Variants in ARHGEF9 observed in about 807,000 individuals in gnomAD.
ARHGEF9 encodes rho guanine nucleotide exchange factor 9.
ARHGEF9 carries 2 observed loss-of-function variants against 41.3 expected under a neutral mutation model. The observed-to-expected ratio is 0.05, with a 90% CI of 0.02 to 0.15. The LOEUF (loss-of-function observed/expected upper bound fraction) is 0.15. Ranked by LOEUF, ARHGEF9 falls within the 10% of genes least tolerant of loss-of-function variation. ARHGEF9 has a pLI of 1.00. For missense variants in ARHGEF9, 225 were observed against 424.7 expected (o/e 0.53, Z 4.13); for synonymous variants, 160 against 154.4 (o/e 1.04, Z -0.27).
At chrX:63,688,421 C>A (rs1220884521) in intron 4 of ARHGEF9, among the ~76,000 whole-genome samples, 2 of 111,759 alleles carry the variant, frequency 1.8e-5, no homozygotes, top group African/African-American at 6.5e-5. Context: ...CAAGAAAACA[C>A]CTGAAGTTAT....
At chrX:63,705,479 C>T (rs1379340382) in intron 3 of ARHGEF9, among the ~76,000 whole-genome samples, 1 of 108,979 alleles carries the variant, frequency 9.2e-6, no homozygotes, top group East Asian at 2.9e-4. Context: ...TTAAAAATGC[C>T]AACTTGCAGC....
At chrX:63,768,077 GC>G (rs782055747) in intron 1 of ARHGEF9, among the ~76,000 whole-genome samples, 107 of 111,970 alleles carry the variant, frequency 9.6e-4, no homozygotes, top group African/African-American at 3.5e-3. Flanking sequence ...TAGTGCACCA[GC>G]CACCCAAGTA....
chrX:63,651,910 A>C (rs1233893090), intron 8 of ARHGEF9, among the ~76,000 whole-genome samples: 1 of 110,944 alleles, frequency 9.0e-6, no homozygotes, highest in Non-Finnish European at 1.9e-5. Flanking sequence ...CATATGAAAA[A>C]AAAAAGGTTC....
At chrX:63,781,985 C>A (rs2056388910) in intron 1 of ARHGEF9, among the ~76,000 whole-genome samples, 1 of 111,921 alleles carries the variant, frequency 8.9e-6, no homozygotes, top group Non-Finnish European at 1.9e-5. Context: ...GCTCAAATGC[C>A]CCTTAACTAG....
chrX:63,654,918 AT>A (rs1483482313), intron 8 of ARHGEF9, among the ~76,000 whole-genome samples: 4 of 112,125 alleles, frequency 3.6e-5, no homozygotes, highest in Non-Finnish European at 7.5e-5. Context: ...TACTATCTAT[AT>A]CCCCACTGGA....
At chrX:63,771,831 T>G (rs1245496493) in intron 1 of ARHGEF9, among the ~76,000 whole-genome samples, 2 of 111,540 alleles carry the variant, frequency 1.8e-5, no homozygotes, top group Non-Finnish European at 3.8e-5. Flanking sequence ...CCTCCCCGAC[T>G]GCTGGGATTA....
chrX:63,756,499 G>A (rs1486149315), intron 1 of ARHGEF9, among the ~76,000 whole-genome samples: 1 of 112,349 alleles, frequency 8.9e-6, no homozygotes, highest in African/African-American at 3.2e-5. Context: ...CCATAAAAAG[G>A]AATGAACTAC....
At chrX:63,695,458 G>C (rs782819808) in intron 4 of ARHGEF9, among the ~76,000 whole-genome samples, 3 of 111,561 alleles carry the variant, frequency 2.7e-5, no homozygotes, top group Non-Finnish European at 5.6e-5. Context: ...CAACAGCCTT[G>C]TATGTGCTCC....
chrX:63,724,769 C>T, intron 1 of ARHGEF9, 58 bp from the exon 2 acceptor site: 1 of 1,100,398 alleles, frequency 9.1e-7, no homozygotes, highest in Non-Finnish European at 1.3e-6. Flanking sequence ...TTGCCCCTTC[C>T]CCCACCCACA....
At chrX:63,664,774 A>G (rs1460901014) in intron 7 of ARHGEF9, among the ~76,000 whole-genome samples, 2 of 112,237 alleles carry the variant, frequency 1.8e-5, no homozygotes, top group African/African-American at 6.5e-5. Flanking sequence ...ACACTGAGGC[A>G]GTCTGAACCT....
At chrX:63,719,190 A>G (rs782481206) in intron 2 of ARHGEF9, among the ~76,000 whole-genome samples, 5 of 112,006 alleles carry the variant, frequency 4.5e-5, no homozygotes, top group African/African-American at 9.7e-5. Context: ...CTCACAACCT[A>G]TAATGTGTTA....
At chrX:63,720,728 A>G (rs1460388969) in intron 2 of ARHGEF9, among the ~76,000 whole-genome samples, 3 of 112,293 alleles carry the variant, frequency 2.7e-5, no homozygotes, top group Non-Finnish European at 5.6e-5. Flanking sequence ...ACGTGGAGGT[A>G]GGGTGACCAA....
intron 1 of ARHGEF9, among the ~76,000 whole-genome samples, chrX:63,784,156 C>T (rs2056424400): frequency 8.9e-6 from 1 of 112,102 alleles, no homozygotes; most frequent in Non-Finnish European, 1.9e-5. Context: ...GCCATCAGTG[C>T]CTGCTGACCC....
At chrX:63,662,907 C>T (rs1294928732) in intron 7 of ARHGEF9, among the ~76,000 whole-genome samples, 1 of 112,065 alleles carries the variant, frequency 8.9e-6, no homozygotes, top group South Asian at 3.7e-4. Flanking sequence ...TCTCCTGGAA[C>T]CCATAATTCT....
At chrX:63,671,371 G>A (rs1450339025) in intron 6 of ARHGEF9, 128 of 111,783 alleles carry the variant, frequency 1.1e-3, no homozygotes, top group African/African-American at 4.0e-3. Context: ...GCTTTCTTGG[G>A]GAGACTCCCC....
At chrX:63,676,250 A>G (rs782037180) in intron 5 of ARHGEF9, among the ~76,000 whole-genome samples, 99 of 112,011 alleles carry the variant, frequency 8.8e-4, no homozygotes, top group African/African-American at 3.1e-3. Context: ...ATACTTCCTA[A>G]CCAGTCTATT....
intron 6 of ARHGEF9, 107 bp downstream of exon 6, chrX:63,673,931 A>C: frequency 1.0e-6 from 1 of 999,944 alleles, no homozygotes; most frequent in Non-Finnish European, 1.4e-6. Context: ...CTAAATCCTT[A>C]CTGTTGCTCT....
At chrX:63,764,481 A>G (rs1477286273) in intron 1 of ARHGEF9, among the ~76,000 whole-genome samples, 14 of 112,637 alleles carry the variant, frequency 1.2e-4, no homozygotes, top group Non-Finnish European at 2.6e-4. Flanking sequence ...ATATACCCAA[A>G]GGAATATAAA....
chrX:63,773,801 C>G (rs2056243170), intron 1 of ARHGEF9, among the ~76,000 whole-genome samples: 1 of 110,915 alleles, frequency 9.0e-6, no homozygotes, highest in African/African-American at 3.3e-5. Context: ...GGAATTCCTC[C>G]TGCCTGACTG....
Sources: gnomAD v4.1 joint callset for allele counts (sites outside exome capture counted in the v4.1 genomes callset) on GRCh38, gnomAD v4.1.1 for gene constraint, MANE v1.5 for transcripts, NCBI Gene and HGNC (gene_info 2026-07-23, HGNC 2026-07-21) for gene names.